Variants in FBXO41 observed in about 807,000 individuals in gnomAD.
The protein encoded by FBXO41 is F-box only protein 41.
A neutral mutation model predicts 81.6 loss-of-function variants in FBXO41; 33 were observed. That is an observed-to-expected ratio of 0.40 (90% CI 0.31 to 0.54). The LOEUF is 0.54. Among genes scored for constraint, FBXO41 ranks in the 20% least tolerant of loss-of-function variants. The pLI, the probability that FBXO41 is intolerant of heterozygous loss-of-function variation, is 0.39. For synonymous variants in FBXO41, 576 were observed against 552.7 expected (o/e 1.04, Z -0.59); for missense variants, 1,107 against 1,236.0 (o/e 0.90, Z 1.56).
chr2:73,264,106 C>T, intron 6 of FBXO41, 53 bp from the exon 7 acceptor site: 1 of 1,557,932 alleles, frequency 6.4e-7, no homozygotes, highest in Non-Finnish European at 8.7e-7. Flanking sequence ...ACTTGGTTGG[C>T]TGGAGGTGGG....
At chr2:73,279,967 G>T (rs1688800046) in intron 1 of FBXO41, among the ~76,000 whole-genome samples, 1 of 152,110 alleles carries the variant, frequency 6.6e-6, no homozygotes, top group Non-Finnish European at 1.5e-5. Flanking sequence ...TGAAAAGGGT[G>T]CTATTTCAAT....
rs1187886754 is a variant in FBXO41 at position 73,266,033 on chromosome 2, C to T, written c.1132-67G>A. ...GAGGCAAGAGGATGAGCAGGAATAG[C>T]AGGGGAAACAGGGCAAAAGATGGAG... On this transcript the variant is annotated intron_variant, in intron 3 of 12. Coordinates refer to ENST00000520530, the MANE Select transcript of FBXO41 (RefSeq NM_001371389.2). The surrounding 1 kb of genome is among the most constrained non-coding windows in gnomAD (Gnocchi z 5.3). 5 of 1,361,516 alleles carry T rather than the reference C, an allele frequency of 3.7e-6. No individual in the cohort carries two copies. The allele number at this position is 1,361,516 out of a possible 1,614,324, so 84.3% of individuals were successfully genotyped here.
chr2:73,260,608 C>T lies in FBXO41; in HGVS notation c.2291-61G>A. ...CTCCCCAGGTCACCCCTGCAGCCAGCACCCTGGCTACCACCCTGCCACCTG... is the reference window on the plus strand; with the variant it reads ...CTCCCCAGGTCACCCCTGCAGCCAGTACCCTGGCTACCACCCTGCCACCTG... On this transcript the variant is annotated intron_variant, in intron 10 of 12. Transcript: ENST00000520530. The surrounding 1 kb of genome is among the most constrained non-coding windows in gnomAD (Gnocchi z 5.0). 6.5e-7 allele frequency: 1 copy of T among 1,545,236 alleles called. No individual in the cohort carries two copies. Among genetic ancestry groups the T allele is most frequent in the Non-Finnish European group, 8.8e-7 (1 of 1,142,570 alleles).
Position 73,260,888 on chromosome 2 carries a change from G to C in FBXO41, c.2172-30C>G. On this transcript the variant is annotated intron_variant, in intron 9 of 12. Transcript: ENST00000520530. This position sits in a 1 kb window ranked among gnomAD's most constrained non-coding sequence, Gnocchi z 5.0. ...AGAATGGGAAGGGGGAGCCGTCAGG[G>C]AAGTCTCTGGATGCTTGATAACCCA... 6.5e-7 allele frequency: 1 copy of C among 1,529,280 alleles called. No homozygotes were observed. The highest frequency in any genetic ancestry group is 1.2e-5 in the South Asian group (1 of 82,662). 94.7% of individuals were successfully genotyped at this position (1,529,280 alleles called of 1,614,324 possible).
chr2:73,269,540 A>G lies in FBXO41; in HGVS notation c.91T>C (p.Tyr31His). 1 of 1,363,076 alleles carries G rather than the reference A, an allele frequency of 7.3e-7. No individual in the cohort carries two copies. The highest frequency in any genetic ancestry group is 2.7e-5 in the Admixed American group (1 of 37,210). The allele number at this position is 1,363,076 out of a possible 1,614,324, so 84.4% of individuals were successfully genotyped here. Residue 31 changes from tyrosine (Y) to histidine (H), a missense_variant, in exon 2 of 13, where the codon TAC becomes CAC. By Grantham distance (83) the Tyr-to-His change is moderately conservative (BLOSUM62 2). Around this residue, in one of 2 missense-constraint regions of FBXO41, gnomAD observed 771 missense variants for 789.2 expected, o/e 0.98. Coordinates refer to ENST00000520530, the MANE Select transcript of FBXO41 (RefSeq NM_001371389.2). The surrounding 1 kb of genome is among the most constrained non-coding windows in gnomAD (Gnocchi z 7.0). Reference sequence around the variant, plus strand: ...TAGAGCGTCTCGTAGGTGTGGCTGTACTCCAGGTGCGCGCGCAGCGACGAC... The same window carrying G: ...TAGAGCGTCTCGTAGGTGTGGCTGTGCTCCAGGTGCGCGCGCAGCGACGAC... Reference protein sequence around the residue: ...SLSSLRAHLEYSHTYETLYIL... With the variant: ...SLSSLRAHLEHSHTYETLYIL...
Position 73,260,622 on chromosome 2 carries a change from C to T in FBXO41, c.2291-75G>A. The T allele has an allele frequency of 1.9e-6, 3 of 1,538,548 alleles. No homozygotes were observed. Among genetic ancestry groups the T allele is most frequent in the Non-Finnish European group, 2.6e-6 (3 of 1,137,940 alleles). On this transcript the variant is annotated intron_variant, in intron 10 of 12. Transcript: ENST00000520530. This position sits in a 1 kb window ranked among gnomAD's most constrained non-coding sequence, Gnocchi z 5.0. Reference sequence around the variant, plus strand: ...CCTGCAGCCAGCACCCTGGCTACCACCCTGCCACCTGCCACCACCCAGGCT... The same window carrying T: ...CCTGCAGCCAGCACCCTGGCTACCATCCTGCCACCTGCCACCACCCAGGCT...
intron 1 of FBXO41, among the ~76,000 whole-genome samples, chr2:73,279,993 C>T (rs2103917401): frequency 6.6e-6 from 1 of 152,194 alleles, no homozygotes; most frequent in Admixed American, 6.5e-5. Flanking sequence ...CGGCTCAAAG[C>T]TTAACGTGAC....
In FBXO41 at chr2:73,269,324, G is replaced by A. The variant is rs767540664; in HGVS notation, c.307C>T (p.Pro103Ser). The A allele has an allele frequency of 2.0e-6, 3 of 1,524,818 alleles. No homozygotes were observed. In the South Asian group the frequency reaches 3.6e-5, roughly 18 times the overall value. 94.5% of individuals were successfully genotyped at this position (1,524,818 alleles called of 1,614,324 possible). A position where few individuals can be genotyped will look rare whatever the true frequency, so the allele number is the denominator to read the frequency against. ...EQAAGPSPAA[P>S]HLLHHHHHHA... ...TGATGGTGGTGGTGCAGCAGGTGCG[G>A]CGCCGCGGGCGACGGCCCGGCCGCC... Residue 103 changes from proline (P) to serine (S), a missense_variant, in exon 2 of 13, where the codon CCG becomes TCG. Pro to Ser is a moderately conservative substitution (Grantham distance 74, BLOSUM62 -1). Coordinates refer to ENST00000520530, the MANE Select transcript of FBXO41 (RefSeq NM_001371389.2). The surrounding 1 kb of genome is among the most constrained non-coding windows in gnomAD (Gnocchi z 7.0).
At position 73,269,127 on chromosome 2, in the gene FBXO41, G is replaced by A; in HGVS notation, c.504C>T (p.Cys168=). 1 of 1,515,754 alleles carries A rather than the reference G, an allele frequency of 6.6e-7. No individual in the cohort carries two copies. Among genetic ancestry groups the A allele is most frequent in the Non-Finnish European group, 8.8e-7 (1 of 1,138,768 alleles). The allele number at this position is 1,515,754 out of a possible 1,614,324, so 93.9% of individuals were successfully genotyped here. A position where few individuals can be genotyped will look rare whatever the true frequency, so the allele number is the denominator to read the frequency against. ...GGCCGGGGCCAGGCGGCGGCGTCGA[G>A]CACGCCGAGGACGCCACGGACTTGC... The part of the protein sequence containing the change: ...FARKSVASSA[C]STPPPGPGPG... Residue 168 remains cysteine, a synonymous_variant, in exon 2 of 13, where the codon TGC becomes TGT. Coordinates refer to ENST00000520530, the MANE Select transcript of FBXO41 (RefSeq NM_001371389.2). This position sits in a 1 kb window ranked among gnomAD's most constrained non-coding sequence, Gnocchi z 7.0.
At chr2:73,264,611 G>A in intron 5 of FBXO41, 92 bp from the exon 6 acceptor site, 2 of 1,551,938 alleles carry the variant, frequency 1.3e-6, no homozygotes, top group Non-Finnish European at 1.7e-6. Flanking sequence ...AGGATCTGCA[G>A]AGGAATGGAC....
At chr2:73,261,994 G>A (rs985420111) in intron 9 of FBXO41, among the ~76,000 whole-genome samples, 40 of 152,124 alleles carry the variant, frequency 2.6e-4, no homozygotes, top group African/African-American at 8.7e-4. Flanking sequence ...AGGCCGAGGC[G>A]GGCAGATCAC....
intron 2 of FBXO41, among the ~76,000 whole-genome samples, chr2:73,267,979 G>A (rs986809256): frequency 3.9e-5 from 6 of 152,154 alleles, no homozygotes; most frequent in African/African-American, 1.4e-4. Context: ...TCAAACCATT[G>A]TAAGTCAGGG....
At chr2:73,279,323 T>C (rs1688784150) in intron 1 of FBXO41, among the ~76,000 whole-genome samples, 1 of 152,074 alleles carries the variant, frequency 6.6e-6, no homozygotes, top group Non-Finnish European at 1.5e-5. Context: ...CAGTGGGCCG[T>C]GGAAGTAGAG....
chr2:73,278,958 G>A (rs1180897377), intron 1 of FBXO41, among the ~76,000 whole-genome samples: 2 of 152,220 alleles, frequency 1.3e-5, no homozygotes, highest in Non-Finnish European at 2.9e-5. Context: ...AGTGTTTGTA[G>A]AATGAATGAA....
At chr2:73,268,622 G>T in intron 2 of FBXO41, 104 bp downstream of exon 2, 1 of 1,157,912 alleles carries the variant, frequency 8.6e-7, no homozygotes, top group Non-Finnish European at 1.2e-6. Flanking sequence ...CTATTACAAA[G>T]CCATGGCCAC....
intron 1 of FBXO41, among the ~76,000 whole-genome samples, chr2:73,281,790 C>T (rs1166851173): frequency 6.6e-6 from 1 of 152,200 alleles, no homozygotes; most frequent in African/African-American, 2.4e-5. Context: ...AATAATAAAT[C>T]GCTGTTGTTT....
At position 73,265,515 on chromosome 2, in the gene FBXO41, G is replaced by A. The variant is rs750421544; in HGVS notation, c.1331C>T (p.Ala444Val). The A allele has an allele frequency of 1.3e-6, 2 of 1,594,892 alleles. No homozygotes were observed. The highest frequency in any genetic ancestry group is 1.7e-6 in the Non-Finnish European group (2 of 1,173,090). Residue 444 changes from alanine to valine, a missense_variant, in exon 5 of 13, where the codon GCC (alanine) becomes GTC (valine). Physicochemically the swap from Ala to Val is moderately conservative, Grantham distance 64 (BLOSUM62 0). Transcript: ENST00000520530. ...CTCTGAGCCCCCGTTGGCAGCCTGG[G>A]CCCGTGTGCCCAAGCCCCCAGGGCC... The part of the protein sequence containing the change: ...DSGPGGLGTR[A>V]QAANGGSERS...
chr2:73,263,643 A>G, intron 8 of FBXO41, 35 bp downstream of exon 8: 2 of 1,610,726 alleles, frequency 1.2e-6, no homozygotes, highest in Non-Finnish European at 1.7e-6. Context: ...CTGGGCTTAG[A>G]GGGAACAGGC....
chr2:73,276,544 C>T (rs1490140077), intron 1 of FBXO41, among the ~76,000 whole-genome samples: 1 of 143,838 alleles, frequency 7.0e-6, no homozygotes, highest in Non-Finnish European at 1.5e-5. Context: ...ATAAACAGCT[C>T]TCTGGCAAAT....
Sources: gnomAD v4.1 joint callset for allele counts (sites outside exome capture counted in the v4.1 genomes callset) on GRCh38, gnomAD v4.1.1 for gene constraint, gnomAD v4.1.1 regional missense constraint, Gnocchi (gnomAD v3.1) non-coding constraint, MANE v1.5 for transcripts, NCBI Gene and HGNC (gene_info 2026-07-23, HGNC 2026-07-21) for gene names.